Variants in ADCY2 observed in about 807,000 individuals in gnomAD.
The protein encoded by ADCY2 is adenylate cyclase type 2.
ADCY2 carries 31 observed loss-of-function variants against 125.2 expected under a neutral mutation model. The ratio of observed to expected loss-of-function variants is 0.25; its 90% confidence interval spans 0.19 to 0.33. ADCY2 has a LOEUF of 0.33. Among genes scored for constraint, ADCY2 ranks in the 10% least tolerant of loss-of-function variants. The pLI is 1.00. For missense variants in ADCY2, 904 were observed against 1,418.2 expected, an observed-to-expected ratio of 0.64 and a Z score of 5.82; for synonymous variants, 512 against 548.4, an observed-to-expected ratio of 0.93 and a Z score of 0.93.
intron 4 of ADCY2, among the ~76,000 whole-genome samples, chr5:7,633,491 T>C (rs546424275): frequency 1.5e-4 from 23 of 151,122 alleles, no homozygotes; most frequent in East Asian, 9.7e-4. Flanking sequence ...AAAATAAAAA[T>C]AAAAAAGAAT....
At chr5:7,556,407 G>A (rs562649428) in intron 3 of ADCY2, among the ~76,000 whole-genome samples, 1 of 152,170 alleles carries the variant, frequency 6.6e-6, no homozygotes, top group East Asian at 1.9e-4. Flanking sequence ...CAGTAAATTT[G>A]TGAATAAATT....
chr5:7,709,712 A>G lies in ADCY2; in HGVS notation c.1578+325A>G, dbSNP rs973113229. ...GAAAAACTTCTATCATGAAGTAGAA[A>G]GCCTTGAGGTTCTTAATAAAAAGAC... On this transcript the variant is annotated intron_variant, in intron 10 of 24. Transcript: ENST00000338316. This position sits in a 1 kb window ranked among gnomAD's most constrained non-coding sequence, Gnocchi z 4.4. 6.6e-6 allele frequency among the ~76,000 whole-genome samples: 1 copy of G among 152,228 alleles called. No homozygotes were observed. The highest frequency in any genetic ancestry group is 1.5e-5 in the Non-Finnish European group (1 of 68,040).
chr5:7,589,458 A>AAAAG (rs369587426), intron 3 of ADCY2, among the ~76,000 whole-genome samples: 3,510 of 72,946 alleles, frequency 0.048, 168 homozygotes, highest in African/African-American at 0.063. Flanking sequence ...GAAGGAAAGA[A>AAAAG]AAAGAAAGAA....
At chr5:7,654,223 G>A (rs779855212) in intron 4 of ADCY2, 29 of 448,526 alleles carry the variant, frequency 6.5e-5, no homozygotes, top group Middle Eastern at 6.7e-4. Flanking sequence ...GACAGAGACA[G>A]CCCAGTAGAC....
At chr5:7,702,225 CTT>C (rs67174135) in intron 7 of ADCY2, among the ~76,000 whole-genome samples, 21 of 131,138 alleles carry the variant, frequency 1.6e-4, no homozygotes, top group Admixed American at 1.5e-4. Context: ...AACCCTGTTT[CTT>C]TTTTTTTTTT....
In ADCY2 at chr5:7,757,343, T is replaced by C. The variant is rs1186389497; in HGVS notation, c.1957-106T>C. ...GAGGATAGAATCTACATGTTTAGTC[T>C]ATGAACAATGTTGGTGCTTCTTGTG... is the stretch of plus-strand genomic sequence containing the variant. On this transcript the variant is annotated intron_variant, in intron 15 of 24. Transcript: ENST00000338316. The C allele has an allele frequency of 3.5e-6, 5 of 1,409,580 alleles. No individual in the cohort carries two copies. The African/African-American group carries it at 7.2e-5, about 20-fold the overall frequency. The allele number at this position is 1,409,580 out of a possible 1,614,324, so 87.3% of individuals were successfully genotyped here. A position where few individuals can be genotyped will look rare whatever the true frequency, so the allele number is the denominator to read the frequency against.
intron 2 of ADCY2, among the ~76,000 whole-genome samples, chr5:7,504,523 A>G (rs956560878): frequency 1.3e-5 from 2 of 152,130 alleles, no homozygotes; most frequent in African/African-American, 4.8e-5. Flanking sequence ...TAAAGTCATT[A>G]TCACCTTAAA....
At chr5:7,443,750 C>T (rs1741110660) in intron 2 of ADCY2, among the ~76,000 whole-genome samples, 1 of 150,306 alleles carries the variant, frequency 6.7e-6, no homozygotes, top group Non-Finnish European at 1.5e-5. Flanking sequence ...ATACTATGAC[C>T]ACTGATTGAG....
At chr5:7,544,495 C>T (rs757454287) in intron 3 of ADCY2, among the ~76,000 whole-genome samples, 1 of 152,326 alleles carries the variant, frequency 6.6e-6, no homozygotes, top group Non-Finnish European at 1.5e-5. Flanking sequence ...ACTCCTGCCT[C>T]CATCTTACGA....
intron 2 of ADCY2, among the ~76,000 whole-genome samples, chr5:7,432,779 G>A (rs562884562): frequency 3.9e-5 from 6 of 152,314 alleles, no homozygotes; most frequent in Non-Finnish European, 8.8e-5. Flanking sequence ...GACATAGAGG[G>A]ATGGGTACAA....
At chr5:7,467,209 A>G (rs955149404) in intron 2 of ADCY2, among the ~76,000 whole-genome samples, 5 of 152,210 alleles carry the variant, frequency 3.3e-5, no homozygotes, top group African/African-American at 1.2e-4. Flanking sequence ...CCGCTCAGCT[A>G]TCTTGCCTCT....
At chr5:7,738,221 T>C (rs567967852) in intron 14 of ADCY2, among the ~76,000 whole-genome samples, 25 of 152,242 alleles carry the variant, frequency 1.6e-4, no homozygotes, top group African/African-American at 5.8e-4. Context: ...AGAATTCTTA[T>C]GAGAATGGGA....
chr5:7,628,231 G>A (rs1738198620), intron 4 of ADCY2, among the ~76,000 whole-genome samples: 1 of 152,074 alleles, frequency 6.6e-6, no homozygotes, highest in Non-Finnish European at 1.5e-5. Flanking sequence ...GAGCAAGTTG[G>A]GCCCGACAGA....
chr5:7,567,658 A>G (rs111407669), intron 3 of ADCY2, among the ~76,000 whole-genome samples: 5,905 of 152,250 alleles, frequency 0.039, 157 homozygotes, highest in Non-Finnish European at 0.057. Flanking sequence ...TGGAAATTCA[A>G]ACTCTACCAG....
chr5:7,492,867 C>G (rs984183071), intron 2 of ADCY2, among the ~76,000 whole-genome samples: 1 of 152,076 alleles, frequency 6.6e-6, no homozygotes, highest in African/African-American at 2.4e-5. Context: ...TGGGGCTCTT[C>G]CACCTGCATT....
intron 3 of ADCY2, among the ~76,000 whole-genome samples, chr5:7,623,385 G>A (rs959333271): frequency 1.3e-5 from 2 of 152,100 alleles, no homozygotes; most frequent in Non-Finnish European, 2.9e-5. Flanking sequence ...TGCATTCTTT[G>A]GTGCACTGTT....
At position 7,787,655 on chromosome 5, in the gene ADCY2, G is replaced by T. The variant is rs184533232; in HGVS notation, c.2470-1987G>T. On this transcript the variant is annotated intron_variant, in intron 19 of 24. Transcript: ENST00000338316. ...GAAGGTGATAGATGATTGATAGATGGATATAGATAAATAGAAAGGTAGGTA... is the reference window on the plus strand; with the variant it reads ...GAAGGTGATAGATGATTGATAGATGTATATAGATAAATAGAAAGGTAGGTA... 1.9e-3 allele frequency among the ~76,000 whole-genome samples: 289 copies of T among 149,870 alleles called. 3 individuals are homozygous for T. The highest frequency in any genetic ancestry group is 6.9e-3 in the African/African-American group (283 of 40,994).
chr5:7,687,872 G>A (rs930652240), intron 4 of ADCY2, among the ~76,000 whole-genome samples: 1 of 152,136 alleles, frequency 6.6e-6, no homozygotes, highest in Admixed American at 6.5e-5. Flanking sequence ...CTACACACAG[G>A]TTATCATCAT....
intron 3 of ADCY2, among the ~76,000 whole-genome samples, chr5:7,577,496 C>T (rs1736286039): frequency 6.6e-6 from 1 of 151,966 alleles, no homozygotes; most frequent in Non-Finnish European, 1.5e-5. Flanking sequence ...ATGATTTGTA[C>T]CTAAGGAATA....
Sources: allele counts gnomAD v4.1 joint callset (sites outside exome capture counted in the v4.1 genomes callset), GRCh38; gene constraint gnomAD v4.1.1; non-coding constraint Gnocchi (gnomAD v3.1); transcripts MANE v1.5; gene names NCBI Gene and HGNC (gene_info 2026-07-23, HGNC 2026-07-21).